Variants in GUCY1B1 observed in about 807,000 individuals in gnomAD.
GUCY1B1 encodes guanylate cyclase soluble subunit beta-1.
GUCY1B1 carries 43 observed loss-of-function variants against 71.0 expected under a neutral mutation model. The observed-to-expected ratio is 0.61, with a 90% CI of 0.47 to 0.78. The LOEUF is 0.78. GUCY1B1 is among the 30% of genes least tolerant of loss of function. The pLI is 0.00. For synonymous variants in GUCY1B1, 266 were observed against 259.7 expected (o/e 1.02, Z -0.23); for missense variants, 535 against 754.1 (o/e 0.71, Z 3.40).
At chr4:155,759,937 C>A in intron 2 of GUCY1B1, 77 bp downstream of exon 2, 1 of 1,078,424 alleles carries the variant, frequency 9.3e-7, no homozygotes, top group Non-Finnish European at 1.4e-6. Flanking sequence ...GCCTGGTCCT[C>A]AGCCTGCTGG....
intron 4 of GUCY1B1, among the ~76,000 whole-genome samples, chr4:155,786,271 C>CT (rs33996424): frequency 0.11 from 13,123 of 122,856 alleles, 1,724 homozygotes; most frequent in African/African-American, 0.23. Context: ...GTTCAATTTC[C>CT]TTTTTTTTTT....
At chr4:155,799,247 A>T (rs1267139364) in intron 8 of GUCY1B1, among the ~76,000 whole-genome samples, 1 of 152,234 alleles carries the variant, frequency 6.6e-6, no homozygotes, top group Non-Finnish European at 1.5e-5. Context: ...ATGATGACGC[A>T]TAAAATTCAG....
At chr4:155,796,157 C>A (rs1405090889) in intron 7 of GUCY1B1, among the ~76,000 whole-genome samples, 1 of 152,186 alleles carries the variant, frequency 6.6e-6, no homozygotes, top group Non-Finnish European at 1.5e-5. Context: ...AGCACAGTTA[C>A]TGTCCTGAAT....
rs1292150617 is a variant in GUCY1B1 at position 155,776,933 on chromosome 4, C to A, written c.179-591C>A. 2.0e-5 allele frequency among the ~76,000 whole-genome samples: 3 copies of A among 152,086 alleles called. No individual in the cohort carries two copies. In the South Asian group the frequency reaches 6.2e-4, roughly 31 times the overall value. ...AAAATTAAGTACAGGGTGAGTATCT[C>A]TTGTCTAAAACTCTTGAGACCAGAA... On this transcript the variant is annotated intron_variant, in intron 3 of 13. Transcript: ENST00000264424.
At chr4:155,781,801 G>T (rs1269512374) in intron 4 of GUCY1B1, among the ~76,000 whole-genome samples, 1 of 151,776 alleles carries the variant, frequency 6.6e-6, no homozygotes, top group Non-Finnish European at 1.5e-5. Context: ...CAACTTGTGG[G>T]CTGATGAAAA....
chr4:155,806,420 A>T lies in GUCY1B1; in HGVS notation c.*11A>T. 1 of 1,597,670 alleles carries T rather than the reference A, an allele frequency of 6.3e-7. No homozygotes were observed. Among genetic ancestry groups the T allele is most frequent in the Non-Finnish European group, 8.6e-7 (1 of 1,165,800 alleles). On this transcript the variant is annotated 3_prime_UTR_variant, in exon 14 of 14. Transcript: ENST00000264424. ...CAGGATGATGACTGAATCTTGGATTATGGGGTGAAGAGGAGTACAGACTAG... is the reference window on the plus strand; with the variant it reads ...CAGGATGATGACTGAATCTTGGATTTTGGGGTGAAGAGGAGTACAGACTAG...
intron 5 of GUCY1B1, among the ~76,000 whole-genome samples, chr4:155,790,694 C>T (rs937333595): frequency 5.9e-5 from 9 of 152,196 alleles, no homozygotes; most frequent in African/African-American, 2.2e-4. Flanking sequence ...ACCTATTAGA[C>T]AGTTCTTTCT....
chr4:155,789,754 C>T lies in GUCY1B1; in HGVS notation c.338C>T (p.Pro113Leu). 6.2e-7 allele frequency: 1 copy of T among 1,609,958 alleles called. No homozygotes were observed. The highest frequency in any genetic ancestry group is 1.3e-5 in the African/African-American group (1 of 74,940). ...ALHDHLATIY[P>L]GMRAPSFRCT... Reference sequence around the variant, plus strand: ...CACGACCACCTTGCTACCATCTACCCAGGAATGCGTGCACCTTCCTTTAGG... The same window carrying T: ...CACGACCACCTTGCTACCATCTACCTAGGAATGCGTGCACCTTCCTTTAGG... Residue 113 changes from proline (P) to leucine (L), a missense_variant, in exon 5 of 14, where the codon CCA becomes CTA. Transcript: ENST00000264424.
chr4:155,804,790 TG>T, intron 12 of GUCY1B1, 43 bp downstream of exon 12: 2 of 1,526,854 alleles, frequency 1.3e-6, no homozygotes, highest in Non-Finnish European at 1.8e-6. Flanking sequence ...GCAAAGAAAA[TG>T]TGTCTTTGCA....
At chr4:155,794,477 A>T (rs1739401373) in intron 6 of GUCY1B1, among the ~76,000 whole-genome samples, 1 of 152,142 alleles carries the variant, frequency 6.6e-6, no homozygotes, top group Non-Finnish European at 1.5e-5. Context: ...TTAAGGGAAA[A>T]GGGGGGATTT....
chr4:155,777,129 T>C (rs1042454583), intron 3 of GUCY1B1, among the ~76,000 whole-genome samples: 7 of 152,226 alleles, frequency 4.6e-5, no homozygotes, highest in Non-Finnish European at 8.8e-5. Context: ...ATTTTCTGCA[T>C]GAAACAACAT....
At chr4:155,767,929 G>T (rs191707014) in intron 2 of GUCY1B1, among the ~76,000 whole-genome samples, 41 of 152,220 alleles carry the variant, frequency 2.7e-4, no homozygotes, top group African/African-American at 9.6e-4. Context: ...CAACATTATG[G>T]TACCAATTCA....
intron 3 of GUCY1B1, among the ~76,000 whole-genome samples, chr4:155,775,795 T>C (rs990454817): frequency 1.3e-5 from 2 of 152,330 alleles, no homozygotes; most frequent in Admixed American, 1.3e-4. Flanking sequence ...CTACCACAGA[T>C]AAATATCTTT....
At chr4:155,770,240 T>C (rs1737607316) in intron 2 of GUCY1B1, among the ~76,000 whole-genome samples, 1 of 152,048 alleles carries the variant, frequency 6.6e-6, no homozygotes, top group South Asian at 2.1e-4. Context: ...AGGTAGCAGA[T>C]AAAAAAACAG....
chr4:155,798,861 G>A (rs916051051), intron 8 of GUCY1B1, among the ~76,000 whole-genome samples: 2 of 151,918 alleles, frequency 1.3e-5, no homozygotes, highest in Non-Finnish European at 2.9e-5. Flanking sequence ...TGTTTGAGAT[G>A]GAGTCTCGCT....
At chr4:155,768,852 G>A (rs1212619075) in intron 2 of GUCY1B1, among the ~76,000 whole-genome samples, 1 of 152,124 alleles carries the variant, frequency 6.6e-6, no homozygotes, top group Non-Finnish European at 1.5e-5. Context: ...TTGTTGCCAG[G>A]TGAGAATTCG....
intron 6 of GUCY1B1, among the ~76,000 whole-genome samples, chr4:155,794,631 T>C (rs1739423228): frequency 6.6e-6 from 1 of 152,202 alleles, no homozygotes; most frequent in African/African-American, 2.4e-5. Context: ...GCTTACTCTT[T>C]TTTTCTTAAA....
chr4:155,794,760 G>A (rs1739432396), intron 6 of GUCY1B1, among the ~76,000 whole-genome samples: 1 of 152,200 alleles, frequency 6.6e-6, no homozygotes, highest in African/African-American at 2.4e-5. Context: ...GCAGAGTAGT[G>A]TGCTGTCCTG....
chr4:155,805,234 G>T lies in GUCY1B1; in HGVS notation c.1836+5G>T. On this transcript the variant is annotated splice_donor_5th_base_variant and intron_variant, in intron 13 of 13. Transcript: ENST00000264424. ...AGAAAAAATACAGGAACAGAGGTAT[G>T]ACTAATCAAAGTGTAATTTGCGTAC... 2 of 1,605,324 alleles carry T rather than the reference G, an allele frequency of 1.2e-6. No individual in the cohort carries two copies. The highest frequency in any genetic ancestry group is 2.2e-5 in the South Asian group (2 of 89,600).
Sources: gnomAD v4.1 joint callset for allele counts (sites outside exome capture counted in the v4.1 genomes callset) on GRCh38, gnomAD v4.1.1 for gene constraint, MANE v1.5 for transcripts, NCBI Gene and HGNC (gene_info 2026-07-23, HGNC 2026-07-21) for gene names.